NPHP4: variants seen among roughly 807,000 people sequenced by gnomAD.
The protein encoded by NPHP4 is nephrocystin 4.
In NPHP4, 151 loss-of-function variants were observed where a neutral mutation model predicts 155.8. The ratio of observed to expected loss-of-function variants is 0.97; its 90% confidence interval spans 0.85 to 1.11. The LOEUF is 1.11. Among genes scored for constraint, NPHP4 ranks in the 50% least tolerant of loss-of-function variants. NPHP4 has a pLI of 0.00. For synonymous variants in NPHP4, 845 were observed against 816.8 expected, an observed-to-expected ratio of 1.03 and a Z score of -0.59; for missense variants, 1,956 against 1,925.7, an observed-to-expected ratio of 1.02 and a Z score of -0.29.
chr1:5,960,455 C>G (rs1005815062), intron 6 of NPHP4, among the ~76,000 whole-genome samples: 1 of 152,108 alleles, frequency 6.6e-6, no homozygotes, highest in African/African-American at 2.4e-5. Flanking sequence ...GGACCTGCGC[C>G]GGAGCCGAGC....
Position 5,877,079 on chromosome 1 carries a change from G to C in NPHP4, c.2817+14C>G. On this transcript the variant is annotated intron_variant, in intron 20 of 29. Coordinates refer to ENST00000378156, the MANE Select transcript of NPHP4 (RefSeq NM_015102.5). Reference sequence around the variant, plus strand: ...TGGAGATCCCAGGACAGTGACAGCTGAACAAACCCTTACCAACACGCTCGT... The same window carrying C: ...TGGAGATCCCAGGACAGTGACAGCTCAACAAACCCTTACCAACACGCTCGT... The C allele has an allele frequency of 6.6e-7, 1 of 1,514,268 alleles. No homozygotes were observed. Among genetic ancestry groups the C allele is most frequent in the Non-Finnish European group, 8.9e-7 (1 of 1,118,800 alleles). The allele number at this position is 1,514,268 out of a possible 1,614,324, so 93.8% of individuals were successfully genotyped here.
chr1:5,879,729 A>T, intron 19 of NPHP4: 1 of 409,626 alleles, frequency 2.4e-6, no homozygotes, highest in South Asian at 1.9e-5. Context: ...TGGACAGCAC[A>T]GTCCTGCCCT....
Position 5,952,701 on chromosome 1 carries a change from T to A in NPHP4, c.809A>T (p.Glu270Val), listed in dbSNP as rs1648385799. ...CCCATCACGCTTCTGACTCCACACCTCCTGGAAGTGGTCCTGGACGTGGAG... is the reference window on the plus strand; with the variant it reads ...CCCATCACGCTTCTGACTCCACACCACCTGGAAGTGGTCCTGGACGTGGAG... ...LELHVQDHFQ[E>V]GCGPLDGGAL... is the part of the protein sequence containing the mutation. The change falls in exon 7 of 30, where the codon GAG (glutamate) becomes GTG (valine). Residue 270 changes from glutamate to valine, a missense_variant and splice_region_variant. Physicochemically the swap from Glu to Val is moderately radical, Grantham distance 121. Transcript: ENST00000378156. The A allele has an allele frequency of 6.9e-7, 1 of 1,450,236 alleles. No homozygotes were observed. The highest frequency in any genetic ancestry group is 9.3e-7 in the Non-Finnish European group (1 of 1,079,704). The allele number at this position is 1,450,236 out of a possible 1,614,324, so 89.8% of individuals were successfully genotyped here.
chr1:5,931,621 C>G (rs1338886634), intron 10 of NPHP4, among the ~76,000 whole-genome samples: 1 of 150,952 alleles, frequency 6.6e-6, no homozygotes, highest in East Asian at 1.9e-4. Flanking sequence ...ATAATCCCAG[C>G]TACTTGGGAG....
At chr1:5,930,692 T>C (rs1243142727) in intron 10 of NPHP4, among the ~76,000 whole-genome samples, 2 of 152,250 alleles carry the variant, frequency 1.3e-5, no homozygotes, top group Non-Finnish European at 1.5e-5. Context: ...CCAAGGATAT[T>C]GTCTATCTTG....
chr1:5,933,313 G>A lies in NPHP4; in HGVS notation c.1136C>T (p.Ser379Phe). 1 of 1,612,950 alleles carries A rather than the reference G, an allele frequency of 6.2e-7. No homozygotes were observed. The highest frequency in any genetic ancestry group is 2.2e-5 in the East Asian group (1 of 44,876). ...GVDGNAASVT[S>F]LSNLACMHMV... ...GTGCATGCATGCCAGGTTGGACAGA[G>A]AGGTGACCGAAGCTGCCTAGAATTA... The change falls in exon 10 of 30, where the codon TCT (serine) becomes TTT (phenylalanine). Residue 379 changes from serine (S) to phenylalanine (F), a missense_variant. By Grantham distance (155) the Ser-to-Phe change is radical. Coordinates refer to ENST00000378156, the MANE Select transcript of NPHP4 (RefSeq NM_015102.5).
rs138797021 is a variant in NPHP4 at position 5,914,739 on chromosome 1, G to A, written c.1442-5526C>T. Among the ~76,000 whole-genome samples, 844 of 152,318 alleles carry A rather than the reference G, an allele frequency of 5.5e-3. 6 individuals are homozygous for A. Among genetic ancestry groups the A allele is most frequent in the Middle Eastern group, 0.01 (3 of 294 alleles). ...ATAAGGAAACAGCTCAGTGGAGGACGGGGCTGTGGTCTTCATTGAGATGTC... is the reference window on the plus strand; with the variant it reads ...ATAAGGAAACAGCTCAGTGGAGGACAGGGCTGTGGTCTTCATTGAGATGTC... On this transcript the variant is annotated intron_variant, in intron 11 of 29. Transcript: ENST00000378156.
chr1:5,988,986 C>CCCTTT, intron 1 of NPHP4, among the ~76,000 whole-genome samples: 1 of 152,210 alleles, frequency 6.6e-6, no homozygotes, highest in South Asian at 2.1e-4. Flanking sequence ...TCTCTGTGGG[C>CCCTTT]TATTTTTGTC....
chr1:5,965,953 C>T (rs2102211635), intron 5 of NPHP4, among the ~76,000 whole-genome samples: 1 of 152,262 alleles, frequency 6.6e-6, no homozygotes, highest in East Asian at 1.9e-4. Context: ...CACGTGCACG[C>T]TTCTCTCATA....
At chr1:5,946,298 A>C (rs1647094825) in intron 9 of NPHP4, among the ~76,000 whole-genome samples, 1 of 152,210 alleles carries the variant, frequency 6.6e-6, no homozygotes, top group Non-Finnish European at 1.5e-5. Flanking sequence ...TGATGTCCAC[A>C]TATTTTATTT....
intron 3 of NPHP4, among the ~76,000 whole-genome samples, chr1:5,971,823 C>T (rs1477014030): frequency 1.3e-5 from 2 of 150,962 alleles, no homozygotes; most frequent in South Asian, 2.1e-4. Context: ...CCCATCAAAT[C>T]GCCTGCAGGG....
chr1:5,901,120 G>A (rs1006248029), intron 16 of NPHP4, among the ~76,000 whole-genome samples: 1 of 151,974 alleles, frequency 6.6e-6, no homozygotes, highest in African/African-American at 2.4e-5. Flanking sequence ...GGTGGGGGGA[G>A]GTCCTACGGG....
chr1:5,912,966 C>T (rs1410718535), intron 11 of NPHP4, among the ~76,000 whole-genome samples: 5 of 152,144 alleles, frequency 3.3e-5, no homozygotes, highest in Non-Finnish European at 7.4e-5. Flanking sequence ...GCCTGGCCAA[C>T]GTGGTGAAGC....
intron 6 of NPHP4, among the ~76,000 whole-genome samples, chr1:5,955,432 C>A (rs1387403819): frequency 6.6e-6 from 1 of 152,244 alleles, no homozygotes; most frequent in Non-Finnish European, 1.5e-5. Context: ...GATATCGCCA[C>A]TCCCATGTTT....
At chr1:5,940,769 T>A (rs1283661642) in intron 9 of NPHP4, among the ~76,000 whole-genome samples, 2 of 152,196 alleles carry the variant, frequency 1.3e-5, no homozygotes, top group Non-Finnish European at 2.9e-5. Flanking sequence ...TAAAACCATT[T>A]TTAAAATCAT....
chr1:5,919,246 T>C (rs982939800), intron 11 of NPHP4, among the ~76,000 whole-genome samples: 1 of 152,232 alleles, frequency 6.6e-6, no homozygotes, highest in African/African-American at 2.4e-5. Context: ...AAATACAAGT[T>C]AATCACATCA....
chr1:5,911,329 C>G (rs1359218491), intron 11 of NPHP4, among the ~76,000 whole-genome samples: 7 of 152,160 alleles, frequency 4.6e-5, no homozygotes, highest in Non-Finnish European at 8.8e-5. Context: ...AGCTCCACGC[C>G]GTTCCTCCGT....
chr1:5,896,977 C>G (rs949866844), intron 16 of NPHP4, among the ~76,000 whole-genome samples: 1 of 152,188 alleles, frequency 6.6e-6, no homozygotes, highest in Non-Finnish European at 1.5e-5. Context: ...GCAAAACAGC[C>G]GGACACCTAA....
chr1:5,958,617 C>T (rs1426182829), intron 6 of NPHP4, among the ~76,000 whole-genome samples: 1 of 151,842 alleles, frequency 6.6e-6, no homozygotes, highest in African/African-American at 2.4e-5. Context: ...ATCACTTGAA[C>T]CCGGAAGGCG....
Sources: allele counts gnomAD v4.1 joint callset (sites outside exome capture counted in the v4.1 genomes callset), GRCh38; gene constraint gnomAD v4.1.1; transcripts MANE v1.5; gene names NCBI Gene and HGNC (gene_info 2026-07-23, HGNC 2026-07-21).